The following LRRC2 variants were observed in gnomAD, a reference collection of about 807,000 sequenced individuals.
LRRC2 encodes leucine rich repeat containing 2.
Under a neutral mutation model 40.2 loss-of-function variants are expected in LRRC2, and 27 were observed. The observed-to-expected ratio is 0.67, with a 90% confidence interval of 0.49 to 0.93. The LOEUF is 0.93. Among genes scored for constraint, LRRC2 ranks in the 40% least tolerant of loss-of-function variants. The pLI is 0.00. For missense variants in LRRC2, 402 were observed against 439.6 expected, an observed-to-expected ratio of 0.91 and a Z score of 0.76; for synonymous variants, 147 against 158.9, an observed-to-expected ratio of 0.92 and a Z score of 0.56.
At chr3:46,529,761 G>A (rs766495906) in intron 6 of LRRC2, 144 bp downstream of exon 6, 49 of 851,188 alleles carry the variant, frequency 5.8e-5, no homozygotes, top group Admixed American at 3.9e-4. Context: ...TAATTTCCTC[G>A]GAAACTGATT....
intron 3 of LRRC2, among the ~76,000 whole-genome samples, chr3:46,540,469 G>A (rs1559414434): frequency 6.6e-6 from 1 of 150,392 alleles, no homozygotes; most frequent in Non-Finnish European, 1.5e-5. Flanking sequence ...AGGTTGTAGT[G>A]AGCCAAAATA....
At chr3:46,544,233 C>T (rs1490968009) in intron 3 of LRRC2, among the ~76,000 whole-genome samples, 2 of 152,010 alleles carry the variant, frequency 1.3e-5, no homozygotes, top group African/African-American at 4.8e-5. Context: ...GAAAAAAATA[C>T]AAAGCCCGGG....
chr3:46,527,396 T>G, intron 7 of LRRC2, 30 bp downstream of exon 7: 2 of 1,612,942 alleles, frequency 1.2e-6, no homozygotes, highest in Non-Finnish European at 1.7e-6. Context: ...TGTGTCTGAG[T>G]GTGTCTACTG....
intron 3 of LRRC2, among the ~76,000 whole-genome samples, chr3:46,543,143 G>C (rs1367796906): frequency 6.6e-6 from 1 of 152,176 alleles, no homozygotes; most frequent in Non-Finnish European, 1.5e-5. Context: ...GTGGGGCCCA[G>C]AGTCTTCCTG....
rs1008212973 is a variant in LRRC2, at chr3:46,540,802, C to T, written c.334-1601G>A. ...TTCTCGTGGCCCTGGCAAACTGTCC[C>T]GACACCTCTTGATCTGAATGGAACC... On this transcript the variant is annotated intron_variant, in intron 3 of 8. Transcript: ENST00000395905. 3.9e-5 allele frequency among the ~76,000 whole-genome samples: 6 copies of T among 152,144 alleles called. No homozygotes were observed. In the East Asian group the frequency reaches 5.8e-4, roughly 15 times the overall value.
chr3:46,534,181 G>C (rs1440364478), intron 4 of LRRC2, among the ~76,000 whole-genome samples: 1 of 151,998 alleles, frequency 6.6e-6, no homozygotes, highest in Non-Finnish European at 1.5e-5. Context: ...GCGGTGTTTG[G>C]TTTTCTGTTC....
rs750895595 is a variant in LRRC2 at position 46,539,034 on chromosome 3, A to AG, written c.490+10dup. 6.2e-7 allele frequency: 1 copy of AG among 1,613,120 alleles called. No homozygotes were observed. The highest frequency in any genetic ancestry group is 1.1e-5 in the South Asian group (1 of 90,986). ...ACCAGAGGCCCGAAGACCCCTGCTA[A>AG]GTTGACATACCGATTTCTGCTGGAA... On this transcript the variant is annotated intron_variant, in intron 4 of 8. Transcript: ENST00000395905.
Position 46,539,053 on chromosome 3 carries a change from G to C in LRRC2, c.482C>G (p.Ala161Gly), listed in dbSNP as rs1441941812. The change falls in exon 4 of 9, where the codon GCA (alanine) becomes GGA (glycine). Residue 161 changes from alanine (A) to glycine (G), a missense_variant. Physicochemically the swap from Ala to Gly is moderately conservative, Grantham distance 60 (BLOSUM62 0). Coordinates refer to ENST00000395905, the MANE Select transcript of LRRC2 (RefSeq NM_024512.5). Reference protein sequence around the residue: ...LPKNQISHLPAEIGCLKNLKE... With the variant: ...LPKNQISHLPGEIGCLKNLKE... ...CTGCTAAGTTGACATACCGATTTCT[G>C]CTGGAAGATGTGAGATTTGGTTTTT... is the stretch of plus-strand genomic sequence containing the variant. 1.2e-6 allele frequency: 2 copies of C among 1,613,640 alleles called. No individual in the cohort carries two copies. Among genetic ancestry groups the C allele is most frequent in the African/African-American group, 1.3e-5 (1 of 75,004 alleles).
intron 3 of LRRC2, among the ~76,000 whole-genome samples, chr3:46,542,380 C>A (rs1480015692): frequency 6.6e-6 from 1 of 151,830 alleles, no homozygotes. Context: ...CCTGTTGGTT[C>A]CAGCTACAGA....
intron 7 of LRRC2, 50 bp downstream of exon 7, chr3:46,527,352 GCTGCCCAGGCTCTGGTACTTCTCA>G (rs1383079712): frequency 6.2e-5 from 94 of 1,509,120 alleles, no homozygotes; most frequent in Non-Finnish European, 8.3e-5. Context: ...TCTTGAGACA[GCTGCCCAGGCTCTGGTACTTCTCA>G]CTCCTTACCT....
chr3:46,538,650 A>G (rs1394577017), intron 4 of LRRC2, among the ~76,000 whole-genome samples: 2 of 152,216 alleles, frequency 1.3e-5, no homozygotes, highest in African/African-American at 4.8e-5. Context: ...AAAGAAAAAA[A>G]AAGACAACAT....
At position 46,518,844 on chromosome 3, in the gene LRRC2, G is replaced by A; in HGVS notation, c.*170C>T. The stretch of plus-strand genomic sequence containing the variant: ...ATTTTTCAATTCTCCAGTCCATGGA[G>A]GGAGATACTCATGTATTTGACATTT... On this transcript the variant is annotated 3_prime_UTR_variant, in exon 9 of 9. Transcript: ENST00000395905. 1 of 573,650 alleles carries A rather than the reference G, an allele frequency of 1.7e-6. No homozygotes were observed. The highest frequency in any genetic ancestry group is 3.1e-6 in the Non-Finnish European group (1 of 321,876). The allele number at this position is 573,650 out of a possible 1,614,324, so 35.5% of individuals were successfully genotyped here. A position where few individuals can be genotyped will look rare whatever the true frequency, so the allele number is the denominator to read the frequency against.
chr3:46,550,102 G>A (rs1445468000), intron 2 of LRRC2, among the ~76,000 whole-genome samples: 2 of 152,170 alleles, frequency 1.3e-5, no homozygotes, highest in African/African-American at 2.4e-5. Context: ...TTAGTGGCAA[G>A]AGAAAAGACG....
At position 46,543,057 on chromosome 3, in the gene LRRC2, C is replaced by T. The variant is rs560376937; in HGVS notation, c.333+1989G>A. On this transcript the variant is annotated intron_variant, in intron 3 of 8. Transcript: ENST00000395905. ...CCTTAACACACACAGCCTTTCACTC[C>T]TTAGTCAGAGGTGAGGCCGAAGCAC... 2.6e-3 allele frequency among the ~76,000 whole-genome samples: 400 copies of T among 152,300 alleles called. 1 individual carries two copies. The highest frequency in any genetic ancestry group is 4.3e-3 in the Non-Finnish European group (295 of 68,026).
chr3:46,557,752 G>A (rs918052936), intron 1 of LRRC2: 5 of 152,250 alleles, frequency 3.3e-5, no homozygotes, highest in Non-Finnish European at 7.3e-5. Flanking sequence ...CCTCTGGTTT[G>A]GGCAGGCTAG....
rs2106963461 is a variant in LRRC2 at position 46,515,684 on chromosome 3, C to T, written c.*3330G>A. 1 of 151,990 alleles carries T rather than the reference C, an allele frequency of 6.6e-6. No homozygotes were observed. Among genetic ancestry groups the T allele is most frequent in the Non-Finnish European group, 1.5e-5 (1 of 67,964 alleles). 9.4% of individuals were successfully genotyped at this position (151,990 alleles called of 1,614,324 possible). On this transcript the variant is annotated 3_prime_UTR_variant, in exon 9 of 9. Coordinates refer to ENST00000395905, the MANE Select transcript of LRRC2 (RefSeq NM_024512.5). ...ATTTTTTTCATATGTGACAGTGAAA[C>T]AAGGTTTTTAAACAAAAAACTGATT...
At chr3:46,538,401 G>A (rs768424589) in intron 4 of LRRC2, among the ~76,000 whole-genome samples, 6 of 152,136 alleles carry the variant, frequency 3.9e-5, no homozygotes, top group Non-Finnish European at 5.9e-5. Context: ...TTGGGAAGCC[G>A]AGGCAGGCAG....
intron 1 of LRRC2, among the ~76,000 whole-genome samples, chr3:46,552,032 C>T (rs1704667977): frequency 6.6e-6 from 1 of 151,966 alleles, no homozygotes; most frequent in Non-Finnish European, 1.5e-5. Flanking sequence ...TGACAGTTTC[C>T]TAATGTTCTT....
At chr3:46,519,533 C>T (rs1448401280) in intron 8 of LRRC2, among the ~76,000 whole-genome samples, 1 of 152,166 alleles carries the variant, frequency 6.6e-6, no homozygotes, top group Non-Finnish European at 1.5e-5. Context: ...GTTGCTGACC[C>T]CTCTTCTCTC....
Sources: allele counts gnomAD v4.1 joint callset (sites outside exome capture counted in the v4.1 genomes callset), GRCh38; gene constraint gnomAD v4.1.1; transcripts MANE v1.5; gene names NCBI Gene and HGNC (gene_info 2026-07-23, HGNC 2026-07-21).